The following NOS1 variants were observed in gnomAD, a reference collection of about 807,000 sequenced individuals.
NOS1 encodes the protein NOS type I.
Under a neutral mutation model 164.5 loss-of-function variants are expected in NOS1, and 51 were observed. The ratio of observed to expected loss-of-function variants is 0.31; its 90% CI spans 0.25 to 0.39. The LOEUF (loss-of-function observed/expected upper bound fraction) is 0.39. NOS1 is among the 10% of genes least tolerant of loss of function. The pLI is 1.00. For synonymous variants in NOS1, 719 were observed against 745.8 expected (o/e 0.96, Z 0.59); for missense variants, 1,362 against 1,885.6 (o/e 0.72, Z 5.14).
chr12:117,269,687 C>A (rs1043531002), intron 10 of NOS1, among the ~76,000 whole-genome samples: 4 of 151,962 alleles, frequency 2.6e-5, no homozygotes, highest in African/African-American at 9.7e-5. Context: ...AGGATGGTCT[C>A]GATCTCTTGA....
chr12:117,331,880 C>T (rs1420301110), intron 1 of NOS1, among the ~76,000 whole-genome samples: 1 of 152,174 alleles, frequency 6.6e-6, no homozygotes, highest in East Asian at 1.9e-4. Context: ...ATACATTTTC[C>T]ATCCATAGCT....
rs1161908216 is a variant in NOS1 at position 117,214,984 on chromosome 12, GA to G, written c.*324del. On this transcript the variant is annotated 3_prime_UTR_variant, in exon 29 of 29. Transcript: ENST00000317775. ...GCAGCCTTTCCAGGGGAACCCCAGA[GA>G]AAAAAACCCCCACAGCGACGGCCAT... The G allele has an allele frequency of 9.0e-7, 1 of 1,110,332 alleles. No homozygotes were observed. The highest frequency in any genetic ancestry group is 1.1e-6 in the Non-Finnish European group (1 of 911,410). 68.8% of individuals were successfully genotyped at this position (1,110,332 alleles called of 1,614,324 possible).
chr12:117,260,364 A>G, intron 14 of NOS1, 101 bp downstream of exon 14: 1 of 1,371,428 alleles, frequency 7.3e-7, no homozygotes, highest in Non-Finnish European at 1.0e-6. Context: ...GTGTGCTTTC[A>G]TCCTTTGCCA....
chr12:117,286,775 C>T (rs550523203), intron 5 of NOS1, among the ~76,000 whole-genome samples: 3 of 152,336 alleles, frequency 2.0e-5, no homozygotes, highest in African/African-American at 7.2e-5. Flanking sequence ...GGGAATACTT[C>T]CCCACTGTAG....
chr12:117,253,059 A>G (rs1316824799), intron 17 of NOS1, among the ~76,000 whole-genome samples: 1 of 152,230 alleles, frequency 6.6e-6, no homozygotes, highest in Non-Finnish European at 1.5e-5. Context: ...TGACTACGCC[A>G]TGAGATAATG....
chr12:117,347,603 G>A (rs1158481004), intron 1 of NOS1, among the ~76,000 whole-genome samples: 1 of 152,170 alleles, frequency 6.6e-6, no homozygotes, highest in Non-Finnish European at 1.5e-5. Flanking sequence ...CAACAAGGAA[G>A]GTCACCTTCA....
At position 117,213,055 on chromosome 12, in the gene NOS1, T is replaced by C. The variant is rs973237605; in HGVS notation, c.*2254A>G. 4 of 985,244 alleles carry C rather than the reference T, an allele frequency of 4.1e-6. No homozygotes were observed. The African/African-American group carries it at 5.2e-5, about 13-fold the overall frequency. The allele number at this position is 985,244 out of a possible 1,614,324, so 61.0% of individuals were successfully genotyped here. ...TTGACAAAATGAGACAATGTTTCCA[T>C]CTGTCTGCTACTAGAAAGGCAGGCA... On this transcript the variant is annotated 3_prime_UTR_variant, in exon 29 of 29. Coordinates refer to ENST00000317775, the MANE Select transcript of NOS1 (RefSeq NM_000620.5).
At position 117,212,952 on chromosome 12, in the gene NOS1, G is replaced by A. The variant is rs1956551028; in HGVS notation, c.*2357C>T. On this transcript the variant is annotated 3_prime_UTR_variant, in exon 29 of 29. Transcript: ENST00000317775. Reference sequence around the variant, plus strand: ...TGTGAAGCAGCTTGTGTTGGGGATTGAAAGGTGTTTACTTAAAAAAAAATC... The same window carrying A: ...TGTGAAGCAGCTTGTGTTGGGGATTAAAAGGTGTTTACTTAAAAAAAAATC... 1.0e-6 allele frequency: 1 copy of A among 985,360 alleles called. No individual in the cohort carries two copies. The highest frequency in any genetic ancestry group is 1.2e-6 in the Non-Finnish European group (1 of 829,928). The allele number at this position is 985,360 out of a possible 1,614,324, so 61.0% of individuals were successfully genotyped here.
intron 5 of NOS1, among the ~76,000 whole-genome samples, chr12:117,287,513 A>G (rs2136021537): frequency 6.6e-6 from 1 of 152,002 alleles, no homozygotes; most frequent in African/African-American, 2.4e-5. Context: ...ATCTTGGCTC[A>G]CTACAACCTC....
intron 1 of NOS1, among the ~76,000 whole-genome samples, chr12:117,355,846 G>A (rs1056849259): frequency 6.6e-6 from 1 of 152,068 alleles, no homozygotes; most frequent in Admixed American, 6.6e-5. Context: ...TGCAACCTCC[G>A]CATCCTGGGC....
chr12:117,244,933 T>G (rs1173431628), intron 18 of NOS1, among the ~76,000 whole-genome samples: 1 of 152,074 alleles, frequency 6.6e-6, no homozygotes, highest in African/African-American at 2.4e-5. Flanking sequence ...AGCTAAAGGG[T>G]ACAGTGGCTT....
chr12:117,290,222 A>T (rs1872956335), intron 4 of NOS1, 76 bp downstream of exon 4: 1 of 1,564,088 alleles, frequency 6.4e-7, no homozygotes, highest in Non-Finnish European at 8.7e-7. Context: ...CCCCCACAAC[A>T]AAGACTTATC....
intron 1 of NOS1, among the ~76,000 whole-genome samples, chr12:117,340,408 C>T (rs1876042003): frequency 6.6e-6 from 1 of 152,154 alleles, no homozygotes; most frequent in African/African-American, 2.4e-5. Flanking sequence ...TGATCGTGGG[C>T]AAGTTACTTA....
chr12:117,212,480 T>C lies in NOS1; in HGVS notation c.*2829A>G. On this transcript the variant is annotated 3_prime_UTR_variant, in exon 29 of 29. Transcript: ENST00000317775. ...CCCAAGGAGTTTAACATCATCTCTC[T>C]GCTCTTTCACGACACAAGCTGTGGG... 1.0e-6 allele frequency: 1 copy of C among 985,424 alleles called. No homozygotes were observed. Among genetic ancestry groups the C allele is most frequent in the Non-Finnish European group, 1.2e-6 (1 of 829,942 alleles). 61.0% of individuals were successfully genotyped at this position (985,424 alleles called of 1,614,324 possible).
Position 117,256,232 on chromosome 12 carries a change from T to C in NOS1, c.2531+2165A>G, listed in dbSNP as rs575560366. Among the ~76,000 whole-genome samples the C allele has an allele frequency of 8.6e-5, 13 of 151,272 alleles. No individual in the cohort carries two copies. In the East Asian group the frequency reaches 2.1e-3, roughly 25 times the overall value. Reference sequence around the variant, plus strand: ...GTCAGTCTCCTGGGTATCAAACTTATGTGAATACGGCAGCATGTTCTCTGC... The same window carrying C: ...GTCAGTCTCCTGGGTATCAAACTTACGTGAATACGGCAGCATGTTCTCTGC... On this transcript the variant is annotated intron_variant, in intron 16 of 28. Coordinates refer to ENST00000317775, the MANE Select transcript of NOS1 (RefSeq NM_000620.5).
intron 19 of NOS1, 122 bp from the exon 20 acceptor site, chr12:117,242,827 G>T: frequency 1.3e-6 from 1 of 798,854 alleles, no homozygotes; most frequent in Non-Finnish European, 2.1e-6. Flanking sequence ...GAGGTGGGAG[G>T]ATCACTTGAG....
chr12:117,238,883 A>G (rs1869939799), intron 20 of NOS1, among the ~76,000 whole-genome samples: 1 of 152,222 alleles, frequency 6.6e-6, no homozygotes, highest in African/African-American at 2.4e-5. Flanking sequence ...AAGGAAAGAA[A>G]AAAAGGAAAA....
chr12:117,215,970 T>C (rs915121502), intron 28 of NOS1, among the ~76,000 whole-genome samples: 11 of 142,176 alleles, frequency 7.7e-5, no homozygotes, highest in Middle Eastern at 3.8e-3. Flanking sequence ...CTCTGCCTCC[T>C]AGGTTCAAGC....
chr12:117,298,318 G>C (rs1028095358), intron 3 of NOS1, among the ~76,000 whole-genome samples: 1 of 152,034 alleles, frequency 6.6e-6, no homozygotes, highest in South Asian at 2.1e-4. Context: ...ATCTGACAGG[G>C]GGCAGAGCCC....
Sources: allele counts gnomAD v4.1 joint callset (sites outside exome capture counted in the v4.1 genomes callset), GRCh38; gene constraint gnomAD v4.1.1; transcripts MANE v1.5; gene names NCBI Gene and HGNC (gene_info 2026-07-23, HGNC 2026-07-21).